The following SGSM1 variants were observed in gnomAD, a reference collection of about 807,000 sequenced individuals.
SGSM1 encodes the protein small G protein signaling modulator 1.
SGSM1 carries 73 observed loss-of-function variants against 133.8 expected under a neutral mutation model. That is an observed-to-expected ratio of 0.55 (90% CI 0.45 to 0.66). The LOEUF is 0.66. Among genes scored for constraint, SGSM1 ranks in the 30% least tolerant of loss-of-function variants. SGSM1 has a pLI of 0.00. For missense variants in SGSM1, 1,213 were observed against 1,448.1 expected, an observed-to-expected ratio of 0.84 and a Z score of 2.64; for synonymous variants, 563 against 573.0, an observed-to-expected ratio of 0.98 and a Z score of 0.25.
At chr22:24,902,523 T>C (rs1378679638) in intron 20 of SGSM1, among the ~76,000 whole-genome samples, 1 of 152,072 alleles carries the variant, frequency 6.6e-6, no homozygotes, top group African/African-American at 2.4e-5. Flanking sequence ...AAATAATTTT[T>C]TTTAACTCAA....
chr22:24,903,194 A>G (rs1933225822), intron 20 of SGSM1, among the ~76,000 whole-genome samples: 1 of 152,030 alleles, frequency 6.6e-6, no homozygotes, highest in African/African-American at 2.4e-5. Context: ...ATTGTATAAC[A>G]TAATATGAAT....
At chr22:24,840,432 C>T (rs1317895085) in intron 2 of SGSM1, among the ~76,000 whole-genome samples, 1 of 152,174 alleles carries the variant, frequency 6.6e-6, no homozygotes, top group Non-Finnish European at 1.5e-5. Flanking sequence ...CAGCCTCCAC[C>T]TCCCGGGTTC....
Position 24,898,093 on chromosome 22 carries a change from C to A in SGSM1, c.2144C>A (p.Pro715His), listed in dbSNP as rs759088909. Residue 715 changes from proline to histidine, a missense_variant, in exon 19 of 25, where the codon CCT becomes CAT. By Grantham distance (77) the Pro-to-His change is moderately conservative. Transcript: ENST00000400358. ...NGTCSPDSGH[P>H]SSHNFSSGLS... Reference sequence around the variant, plus strand: ...ACTTGTTCCCCAGACTCGGGTCATCCTTCCTCCCATAACTTCTCCTCGGGC... The same window carrying A: ...ACTTGTTCCCCAGACTCGGGTCATCATTCCTCCCATAACTTCTCCTCGGGC... 1 of 1,613,978 alleles carries A rather than the reference C, an allele frequency of 6.2e-7. No homozygotes were observed. The highest frequency in any genetic ancestry group is 1.1e-5 in the South Asian group (1 of 91,078).
chr22:24,911,840 G>A (rs1933635223), intron 21 of SGSM1, among the ~76,000 whole-genome samples: 1 of 152,142 alleles, frequency 6.6e-6, no homozygotes, highest in Admixed American at 6.5e-5. Context: ...AGGTCACAAG[G>A]TCAGGAGATC....
intron 4 of SGSM1, among the ~76,000 whole-genome samples, chr22:24,848,446 A>G (rs1007494281): frequency 6.6e-6 from 1 of 152,156 alleles, no homozygotes; most frequent in African/African-American, 2.4e-5. Context: ...CTCATACTGA[A>G]GTAACCTTTG....
At chr22:24,838,690 G>C (rs1325774679) in intron 2 of SGSM1, among the ~76,000 whole-genome samples, 1 of 151,860 alleles carries the variant, frequency 6.6e-6, no homozygotes, top group Admixed American at 6.6e-5. Flanking sequence ...TATATGTGAG[G>C]TTTTAGTTCT....
intron 2 of SGSM1, among the ~76,000 whole-genome samples, chr22:24,810,820 C>T (rs1927690893): frequency 6.6e-6 from 1 of 152,106 alleles, no homozygotes; most frequent in African/African-American, 2.4e-5. Flanking sequence ...GAGAACTGAG[C>T]CTCCCAGCCT....
chr22:24,854,958 G>A (rs566146155), intron 5 of SGSM1, 38 bp from the exon 6 acceptor site: 1 of 1,561,444 alleles, frequency 6.4e-7, no homozygotes, highest in Non-Finnish European at 8.8e-7. Flanking sequence ...TCCTCTGCTG[G>A]TCTCCATCCA....
chr22:24,867,054 G>A (rs907857391), intron 9 of SGSM1, 39 bp from the exon 10 acceptor site: 1 of 1,604,918 alleles, frequency 6.2e-7, no homozygotes. Context: ...AGTGGGGTAG[G>A]CAGAAGTCCT....
In SGSM1 at chr22:24,924,312, C is replaced by T; in HGVS notation, c.*38C>T. The T allele has an allele frequency of 6.4e-7, 1 of 1,563,634 alleles. No homozygotes were observed. Among genetic ancestry groups the T allele is most frequent in the Non-Finnish European group, 8.8e-7 (1 of 1,135,318 alleles). ...CCCGGCAGCCTCAGCCAAGCTGCCC[C>T]TGCCCCGCTCCTCTGCTTACTTTTC... On this transcript the variant is annotated 3_prime_UTR_variant, in exon 25 of 25. Transcript: ENST00000400358.
At chr22:24,862,761 A>G (rs1931224285) in intron 9 of SGSM1, among the ~76,000 whole-genome samples, 2 of 152,210 alleles carry the variant, frequency 1.3e-5, no homozygotes, top group Non-Finnish European at 2.9e-5. Flanking sequence ...GACATACGCT[A>G]TGGAACCAAG....
At chr22:24,873,878 T>A (rs1458790500) in intron 12 of SGSM1, among the ~76,000 whole-genome samples, 2 of 151,660 alleles carry the variant, frequency 1.3e-5, no homozygotes, top group African/African-American at 4.8e-5. Context: ...TCAAATCCCC[T>A]GGGTTAGGAT....
chr22:24,826,742 A>G (rs1190305584), intron 2 of SGSM1, among the ~76,000 whole-genome samples: 1 of 151,904 alleles, frequency 6.6e-6, no homozygotes, highest in African/African-American at 2.4e-5. Context: ...TGAGGGGGAG[A>G]TATTGGAGCT....
rs201367603 is a variant in SGSM1 at position 24,900,340 on chromosome 22, CTTCTTTCTTTCTTTCTTTCTTTCTTTCT to C, written c.2611-1452_2611-1425del. Among the ~76,000 whole-genome samples, 719 of 126,108 alleles carry C rather than the reference CTTCTTTCTTTCTTTCTTTCTTTCTTTCT, an allele frequency of 5.7e-3. 9 individuals carry two copies. Among genetic ancestry groups the C allele is most frequent in the African/African-American group, 0.017 (509 of 29,554 alleles). 82.7% of individuals were successfully genotyped at this position (126,108 alleles called of 152,430 possible). A position where few individuals can be genotyped will look rare whatever the true frequency, so the allele number is the denominator to read the frequency against. ...CAGCTTTTGTTCTTATTGTTAACCTCTTCTTTCTTTCTTTCTTTCTTTCTTTCTTTCTTTCTTTCTTTCTTTCTTTCTT... is the reference window on the plus strand; with the variant it reads ...CAGCTTTTGTTCTTATTGTTAACCTCTTCTTTCTTTCTTTCTTTCTTTCTT... On this transcript the variant is annotated intron_variant, in intron 19 of 24. Transcript: ENST00000400358.
intron 2 of SGSM1, chr22:24,843,472 A>G (rs1017839037): frequency 6.6e-6 from 1 of 152,406 alleles, no homozygotes; most frequent in African/African-American, 2.4e-5. Flanking sequence ...GCCACAGGAC[A>G]GTGGGAAACG....
At chr22:24,887,647 A>G (rs1379845717) in intron 16 of SGSM1, among the ~76,000 whole-genome samples, 1 of 151,878 alleles carries the variant, frequency 6.6e-6, no homozygotes, top group African/African-American at 2.4e-5. Flanking sequence ...TCAGTTTTAT[A>G]TGAAACTGGC....
intron 21 of SGSM1, among the ~76,000 whole-genome samples, chr22:24,909,058 A>G (rs1177680665): frequency 6.6e-6 from 1 of 152,182 alleles, no homozygotes; most frequent in East Asian, 1.9e-4. Context: ...CAGCGGTGGC[A>G]TTAAATTCTC....
At chr22:24,875,905 A>C (rs939546424) in intron 12 of SGSM1, among the ~76,000 whole-genome samples, 1 of 152,220 alleles carries the variant, frequency 6.6e-6, no homozygotes, top group African/African-American at 2.4e-5. Context: ...AGTCCATCGA[A>C]TATACCTGCT....
intron 2 of SGSM1, among the ~76,000 whole-genome samples, chr22:24,829,275 T>A (rs1426325544): frequency 6.6e-6 from 1 of 151,860 alleles, no homozygotes; most frequent in Non-Finnish European, 1.5e-5. Context: ...AGCAGACTAA[T>A]GCAAAGCAGA....
Sources: allele counts gnomAD v4.1 joint callset (sites outside exome capture counted in the v4.1 genomes callset), GRCh38; gene constraint gnomAD v4.1.1; transcripts MANE v1.5; gene names NCBI Gene and HGNC (gene_info 2026-07-23, HGNC 2026-07-21).